Variants in ZSCAN5A observed in about 807,000 individuals in gnomAD.
ZSCAN5A encodes the protein zinc finger and SCAN domain-containing protein 5A.
Under a neutral mutation model 23.7 loss-of-function variants are expected in ZSCAN5A, and 12 were observed. The ratio of observed to expected loss-of-function variants is 0.51; its 90% CI spans 0.32 to 0.82. ZSCAN5A has a LOEUF of 0.82. Among genes scored for constraint, ZSCAN5A ranks in the 40% least tolerant of loss-of-function variants. The probability of loss-of-function intolerance (pLI) is 0.03; values close to 1 mark genes in which losing one functional copy is unlikely to be tolerated. For synonymous variants in ZSCAN5A, 257 were observed against 239.9 expected, an observed-to-expected ratio of 1.07 and a Z score of -0.66; for missense variants, 597 against 617.9, an observed-to-expected ratio of 0.97 and a Z score of 0.36.
Position 56,221,877 on chromosome 19 carries a change from T to C in ZSCAN5A, c.1189A>G (p.Ile397Val), listed in dbSNP as rs1338892198. ...NLCGKRFMQL[I>V]SLQFHQRTHT... The stretch of plus-strand genomic sequence containing the variant: ...GTTCGCTGGTGAAATTGGAGGCTAA[T>C]AAGCTGCATGAAGCGCTTCCCACAG... The change falls in exon 6 of 6, where the codon ATT becomes GTT. Residue 397 changes from isoleucine (I) to valine (V), a missense_variant. Around this residue, in one of 5 missense-constraint regions of ZSCAN5A, gnomAD observed 406 missense variants for 353.2 expected, o/e 1.15. Coordinates refer to ENST00000683990, the MANE Select transcript of ZSCAN5A (RefSeq NM_001322064.3). 6.2e-7 allele frequency: 1 copy of C among 1,614,060 alleles called. No homozygotes were observed. The highest frequency in any genetic ancestry group is 8.5e-7 in the Non-Finnish European group (1 of 1,180,032).
At chr19:56,329,425 T>C (rs193248664) in intron 2 of ZSCAN5A, among the ~76,000 whole-genome samples, 2 of 152,014 alleles carry the variant, frequency 1.3e-5, no homozygotes. Flanking sequence ...ACCAGATTTG[T>C]AGGATGAAGC....
intron 2 of ZSCAN5A, among the ~76,000 whole-genome samples, chr19:56,355,571 C>G (rs1181520828): frequency 6.7e-6 from 1 of 148,522 alleles, no homozygotes; most frequent in Non-Finnish European, 1.5e-5. Context: ...ACAACAATAG[C>G]CCAAGACCAA....
intron 2 of ZSCAN5A, 111 bp downstream of exon 2, chr19:56,313,172 C>T (rs2041150721): frequency 4.4e-6 from 1 of 225,532 alleles, no homozygotes; most frequent in Non-Finnish European, 9.3e-6. Flanking sequence ...CGGAAACCAC[C>T]CAGTAAGTTG....
At chr19:56,233,968 T>C (rs2146519794) in intron 2 of ZSCAN5A, among the ~76,000 whole-genome samples, 1 of 152,234 alleles carries the variant, frequency 6.6e-6, no homozygotes, top group Middle Eastern at 3.4e-3. Context: ...CCCAGCACTC[T>C]GGAAGGCTGA....
intron 2 of ZSCAN5A, among the ~76,000 whole-genome samples, chr19:56,259,588 G>C (rs180674391): frequency 2.0e-5 from 3 of 152,210 alleles, no homozygotes; most frequent in African/African-American, 7.2e-5. Flanking sequence ...TTTAGTGGCA[G>C]AAAATTCATG....
intron 2 of ZSCAN5A, among the ~76,000 whole-genome samples, chr19:56,345,779 G>A (rs34639383): frequency 0.096 from 14,673 of 152,108 alleles, 775 homozygotes; most frequent in South Asian, 0.16. Context: ...TTTTTACAGT[G>A]CACTTAGAAA....
At chr19:56,257,640 G>C (rs868076831) in intron 2 of ZSCAN5A, among the ~76,000 whole-genome samples, 121 of 120,694 alleles carry the variant, frequency 1.0e-3, no homozygotes, top group Middle Eastern at 0.01. Flanking sequence ...GGGGACTCTG[G>C]AAGCCTTTCA....
chr19:56,350,743 G>A (rs1012894422), intron 2 of ZSCAN5A, among the ~76,000 whole-genome samples: 1 of 151,456 alleles, frequency 6.6e-6, no homozygotes, highest in Non-Finnish European at 1.5e-5. Flanking sequence ...CACTAACGGT[G>A]GTAATTTTAA....
upstream of ZSCAN5A, chr19:56,315,690 G>C (rs1324462190): frequency 6.6e-6 from 1 of 152,214 alleles, no homozygotes; most frequent in Non-Finnish European, 1.5e-5. Context: ...TTCCCTTTTT[G>C]TGAAATAATG....
intron 2 of ZSCAN5A, among the ~76,000 whole-genome samples, chr19:56,349,500 G>C (rs995630860): frequency 6.6e-6 from 1 of 152,010 alleles, no homozygotes; most frequent in South Asian, 2.1e-4. Context: ...ATCGAGACCA[G>C]CGTGGCTAAC....
At chr19:56,271,450 G>C (rs116162162) in intron 2 of ZSCAN5A, among the ~76,000 whole-genome samples, 1,732 of 152,244 alleles carry the variant, frequency 0.011, 25 homozygotes, top group African/African-American at 0.038. Context: ...TTTACGCCTT[G>C]TTTCTTCTGC....
Position 56,246,568 on chromosome 19 carries a change from G to T in ZSCAN5A, c.-127-21395C>A, listed in dbSNP as rs762042009. 8.0e-5 allele frequency: 53 copies of T among 660,254 alleles called. 1 individual carries two copies. Among genetic ancestry groups the T allele is most frequent in the South Asian group, 2.0e-4 (11 of 54,226 alleles). The allele number at this position is 660,254 out of a possible 1,614,324, so 40.9% of individuals were successfully genotyped here. On this transcript the variant is annotated intron_variant, in intron 2 of 5. Transcript: ENST00000683990. Reference sequence around the variant, plus strand: ...TGTCTGGGGGAGTTGGCACTCAGCTGCCAAAGCCTCTCCATCCCTTACTCT... The same window carrying T: ...TGTCTGGGGGAGTTGGCACTCAGCTTCCAAAGCCTCTCCATCCCTTACTCT...
chr19:56,347,527 G>A (rs2041642039), intron 2 of ZSCAN5A: 1 of 152,220 alleles, frequency 6.6e-6, no homozygotes, highest in Non-Finnish European at 1.5e-5. Flanking sequence ...GAGCCAAGAT[G>A]GTGTCTGTCT....
At chr19:56,267,700 C>A (rs757233383) in intron 2 of ZSCAN5A, among the ~76,000 whole-genome samples, 1 of 152,278 alleles carries the variant, frequency 6.6e-6, no homozygotes, top group Middle Eastern at 3.4e-3. Flanking sequence ...CTGCCAATTA[C>A]TAGTGGTGTG....
Position 56,284,849 on chromosome 19 carries a change from T to C in ZSCAN5A, c.-128+28434A>G, listed in dbSNP as rs534066370. 3.6e-5 allele frequency: 7 copies of C among 195,478 alleles called. No homozygotes were observed. The East Asian group carries it at 1.1e-3, about 31-fold the overall frequency. The allele number at this position is 195,478 out of a possible 1,614,324, so 12.1% of individuals were successfully genotyped here. A position where few individuals can be genotyped will look rare whatever the true frequency, so the allele number is the denominator to read the frequency against. ...GATAGAGGTAGGAAAGGGGATTAAG[T>C]GGGAATAATGAGGCATCATGACTGA... On this transcript the variant is annotated intron_variant, in intron 2 of 5. Coordinates refer to ENST00000683990, the MANE Select transcript of ZSCAN5A (RefSeq NM_001322064.3).
intron 2 of ZSCAN5A, chr19:56,297,641 G>A: frequency 3.4e-6 from 2 of 596,010 alleles, no homozygotes; most frequent in Non-Finnish European, 4.2e-6. Context: ...AGGCCCTGCA[G>A]GGGCTTTGGT....
chr19:56,322,759 T>C (rs2041389946), intron 2 of ZSCAN5A, among the ~76,000 whole-genome samples: 1 of 152,186 alleles, frequency 6.6e-6, no homozygotes, highest in South Asian at 2.1e-4. Context: ...ACTATTTGCA[T>C]ATAACCTAGC....
At chr19:56,349,249 G>A (rs73628723) in intron 2 of ZSCAN5A, among the ~76,000 whole-genome samples, 2,135 of 152,136 alleles carry the variant, frequency 0.014, 54 homozygotes, top group African/African-American at 0.048. Flanking sequence ...GCCAAGCTAG[G>A]AAGGGCCCTA....
At chr19:56,256,857 C>T (rs998029754) in intron 2 of ZSCAN5A, among the ~76,000 whole-genome samples, 7 of 151,930 alleles carry the variant, frequency 4.6e-5, no homozygotes, top group African/African-American at 1.2e-4. Flanking sequence ...TGGAAAAATC[C>T]GGAGCCACCT....
Sources: gnomAD v4.1 joint callset for allele counts (sites outside exome capture counted in the v4.1 genomes callset) on GRCh38, gnomAD v4.1.1 for gene constraint, gnomAD v4.1.1 regional missense constraint, MANE v1.5 for transcripts, NCBI Gene and HGNC (gene_info 2026-07-23, HGNC 2026-07-21) for gene names.